Variants in RGMA observed in about 807,000 individuals in gnomAD.
RGMA encodes repulsive guidance molecule A.
RGMA carries 10 observed loss-of-function variants against 23.2 expected under a neutral mutation model. The observed-to-expected ratio is 0.43, with a 90% confidence interval of 0.27 to 0.73. The LOEUF (loss-of-function observed/expected upper bound fraction) is 0.73. Among genes scored for constraint, RGMA ranks in the 30% least tolerant of loss-of-function variants. The pLI is 0.20. For missense variants in RGMA, 547 were observed against 630.5 expected (o/e 0.87, Z 1.42); for synonymous variants, 308 against 279.3 (o/e 1.10, Z -1.03).
rs1243748777 is a variant in RGMA, at chr15:93,037,725, C to T, written c.*7273G>A. On this transcript the variant is annotated 3_prime_UTR_variant, in exon 4 of 4. Transcript: ENST00000329082. This position sits in a 1 kb window ranked among gnomAD's most constrained non-coding sequence, Gnocchi z 4.3. ...CTGGGCAGATCTGCTTGGCCAGACA[C>T]ATTCTGCTTTGGCTGAACGGCCTGG... 1 of 152,288 alleles carries T rather than the reference C, an allele frequency of 6.6e-6. No homozygotes were observed. The highest frequency in any genetic ancestry group is 1.5e-5 in the Non-Finnish European group (1 of 68,098). 9.4% of individuals were successfully genotyped at this position (152,288 alleles called of 1,614,324 possible).
intron 2 of RGMA, among the ~76,000 whole-genome samples, chr15:93,061,635 G>A (rs886522535): frequency 6.6e-6 from 1 of 152,230 alleles, no homozygotes; most frequent in African/African-American, 2.4e-5. Flanking sequence ...CAGCCACACA[G>A]CACGTCTGAC....
Position 93,056,245 on chromosome 15 carries a change from A to AGGC in RGMA, c.131-3741_131-3739dup, listed in dbSNP as rs547981664. 4.2e-3 allele frequency among the ~76,000 whole-genome samples: 646 copies of AGGC among 152,328 alleles called. 5 individuals are homozygous for AGGC. The highest frequency in any genetic ancestry group is 0.015 in the African/African-American group (629 of 41,588). On this transcript the variant is annotated intron_variant, in intron 2 of 3. Coordinates refer to ENST00000329082, the MANE Select transcript of RGMA (RefSeq NM_020211.3). ...AGCCGGGCCAGCCCGGAGTGTGTGAAGGCGACATTTCCCCAGGATGGGGAG... is the reference window on the plus strand; with the variant it reads ...AGCCGGGCCAGCCCGGAGTGTGTGAAGGCGGCGACATTTCCCCAGGATGGGGAG...
intron 1 of RGMA, among the ~76,000 whole-genome samples, chr15:93,082,244 G>A (rs937499423): frequency 8.5e-5 from 13 of 152,162 alleles, no homozygotes; most frequent in African/African-American, 2.7e-4. Context: ...GTATGTACAG[G>A]ATCTTGGGAG....
At chr15:93,063,290 T>C (rs1895031155) in intron 2 of RGMA, among the ~76,000 whole-genome samples, 2 of 152,230 alleles carry the variant, frequency 1.3e-5, no homozygotes, top group Admixed American at 1.3e-4. Flanking sequence ...ATGTCCCCCG[T>C]TCAAAGGAGG....
chr15:93,081,476 C>T (rs930546557), intron 1 of RGMA, among the ~76,000 whole-genome samples: 8 of 152,306 alleles, frequency 5.3e-5, no homozygotes, highest in East Asian at 1.9e-4. Context: ...ATTCAGCAAC[C>T]GCCTGAAGTT....
At chr15:93,053,027 C>T (rs144160022) in intron 2 of RGMA, among the ~76,000 whole-genome samples, 2 of 152,246 alleles carry the variant, frequency 1.3e-5, no homozygotes, top group Non-Finnish European at 2.9e-5. Context: ...TGATTTATCA[C>T]GTATAAAGGA....
intron 2 of RGMA, among the ~76,000 whole-genome samples, chr15:93,069,460 G>A (rs573809276): frequency 2.6e-5 from 4 of 152,296 alleles, no homozygotes; most frequent in Admixed American, 6.5e-5. Context: ...TTTCTATAGC[G>A]ACACAGATGT....
intron 1 of RGMA, among the ~76,000 whole-genome samples, chr15:93,082,970 G>A (rs1467044023): frequency 6.6e-6 from 1 of 152,228 alleles, no homozygotes; most frequent in Non-Finnish European, 1.5e-5. Flanking sequence ...AAGCCAGATG[G>A]GCTTCAGCCT....
chr15:93,051,077 A>T (rs1300102884), intron 3 of RGMA, among the ~76,000 whole-genome samples: 1 of 152,184 alleles, frequency 6.6e-6, no homozygotes, highest in Non-Finnish European at 1.5e-5. Context: ...TTGGGAATCC[A>T]CAGGGCGAAG....
chr15:93,046,335 G>A (rs1162411801), intron 3 of RGMA, among the ~76,000 whole-genome samples: 1 of 152,164 alleles, frequency 6.6e-6, no homozygotes, highest in Non-Finnish European at 1.5e-5. Flanking sequence ...ACCACCAAAA[G>A]CTGGAAATGG....
intron 2 of RGMA, among the ~76,000 whole-genome samples, chr15:93,057,609 C>T (rs1050299133): frequency 2.0e-5 from 3 of 152,112 alleles, no homozygotes; most frequent in African/African-American, 7.2e-5. Context: ...TTATGGTGGC[C>T]AAGCTAAAGA....
intron 1 of RGMA, among the ~76,000 whole-genome samples, chr15:93,087,647 G>A (rs1001215079): frequency 1.3e-5 from 2 of 152,146 alleles, no homozygotes; most frequent in Non-Finnish European, 2.9e-5. Context: ...ATGCACAGGA[G>A]AAGACAGAGG....
intron 1 of RGMA, chr15:93,088,429 G>T (rs1406931273): frequency 1.0e-6 from 1 of 985,686 alleles, no homozygotes; most frequent in Non-Finnish European, 1.2e-6. Context: ...CGAGGCAAAG[G>T]GCCGCCGGGA....
At chr15:93,082,592 T>C (rs1158185284) in intron 1 of RGMA, among the ~76,000 whole-genome samples, 1 of 152,204 alleles carries the variant, frequency 6.6e-6, no homozygotes, top group Non-Finnish European at 1.5e-5. Flanking sequence ...AGTCCAATAA[T>C]ATGCCCCACA....
At chr15:93,051,151 C>A (rs956843510) in intron 3 of RGMA, among the ~76,000 whole-genome samples, 1 of 152,224 alleles carries the variant, frequency 6.6e-6, no homozygotes, top group Non-Finnish European at 1.5e-5. Context: ...GCAAGGGCCA[C>A]CGGAGCAGAG....
rs566091931 is a variant in RGMA at position 93,051,279 on chromosome 15, C to T, written c.645+714G>A. Among the ~76,000 whole-genome samples the T allele has an allele frequency of 2.4e-4, 36 of 152,324 alleles. 1 individual carries two copies. In the South Asian group the frequency reaches 5.0e-3, roughly 21 times the overall value. On this transcript the variant is annotated intron_variant, in intron 3 of 3. Transcript: ENST00000329082. ...TTGTGGTAAATCTGGCACTGCCCGACACACGGCCTTCCAACTGGCTCTTCC... is the reference window on the plus strand; with the variant it reads ...TTGTGGTAAATCTGGCACTGCCCGATACACGGCCTTCCAACTGGCTCTTCC...
intron 1 of RGMA, among the ~76,000 whole-genome samples, chr15:93,075,740 C>T (rs908582945): frequency 1.2e-4 from 18 of 152,270 alleles, no homozygotes; most frequent in African/African-American, 3.4e-4. Context: ...TGCCGGGAGA[C>T]GGGTACTGGC....
chr15:93,086,471 T>C (rs547373936), intron 1 of RGMA, among the ~76,000 whole-genome samples: 3 of 152,208 alleles, frequency 2.0e-5, no homozygotes, highest in Non-Finnish European at 4.4e-5. Context: ...TTTGCAACCA[T>C]ACTTGGTAAA....
chr15:93,066,447 C>T (rs1372568974), intron 2 of RGMA: 14 of 593,184 alleles, frequency 2.4e-5, no homozygotes, highest in East Asian at 4.1e-5. Context: ...GGGCTGCCGC[C>T]GGGTTGCCAC....
Sources: gnomAD v4.1 joint callset for allele counts (sites outside exome capture counted in the v4.1 genomes callset) on GRCh38, gnomAD v4.1.1 for gene constraint, Gnocchi (gnomAD v3.1) non-coding constraint, MANE v1.5 for transcripts, NCBI Gene and HGNC (gene_info 2026-07-23, HGNC 2026-07-21) for gene names.